Variants in CCSER1 observed in about 807,000 individuals in gnomAD.
CCSER1 encodes serine-rich coiled-coil domain-containing protein 1.
CCSER1 carries 41 observed loss-of-function variants against 82.0 expected under a neutral mutation model. The observed-to-expected ratio is 0.50, with a 90% CI of 0.39 to 0.65. The LOEUF (loss-of-function observed/expected upper bound fraction) is 0.65, where lower values mean the gene tolerates loss of function less well. Ranked by LOEUF, CCSER1 falls within the 30% of genes least tolerant of loss-of-function variation. The pLI, the probability that CCSER1 is intolerant of heterozygous loss-of-function variation, is 0.00. For synonymous variants in CCSER1, 414 were observed against 383.9 expected (o/e 1.08, Z -0.92); for missense variants, 1,119 against 1,064.2 (o/e 1.05, Z -0.72).
At chr4:90,479,951 C>T (rs1475251154) in intron 5 of CCSER1, among the ~76,000 whole-genome samples, 2 of 152,204 alleles carry the variant, frequency 1.3e-5, no homozygotes, top group African/African-American at 4.8e-5. Flanking sequence ...AGAATCGCCA[C>T]ACCAATTTCC....
At chr4:90,433,549 T>G (rs188244520) in intron 4 of CCSER1, among the ~76,000 whole-genome samples, 1 of 152,262 alleles carries the variant, frequency 6.6e-6, no homozygotes, top group East Asian at 1.9e-4. Flanking sequence ...GTCTTTAGCA[T>G]GATAATGACA....
chr4:90,283,350 G>A (rs1292541206), intron 1 of CCSER1, among the ~76,000 whole-genome samples: 2 of 151,708 alleles, frequency 1.3e-5, no homozygotes, highest in East Asian at 3.9e-4. Context: ...TATTATACAT[G>A]TTTTTAAATT....
At position 91,291,479 on chromosome 4, in the gene CCSER1, G is replaced by A. The variant is rs75315559; in HGVS notation, c.2217+205485G>A. On this transcript the variant is annotated intron_variant, in intron 10 of 10. Transcript: ENST00000509176. The stretch of plus-strand genomic sequence containing the variant: ...GTACAAACCGTACAGGAAGCATGAT[G>A]CTAGCATCTGCTGGGCTTCTGGGGA... Among the ~76,000 whole-genome samples the A allele has an allele frequency of 5.6e-4, 85 of 151,638 alleles. No individual in the cohort carries two copies. The East Asian group carries it at 9.7e-3, about 17-fold the overall frequency.
intron 10 of CCSER1, among the ~76,000 whole-genome samples, chr4:91,380,028 T>G (rs2149335952): frequency 6.6e-6 from 1 of 152,312 alleles, no homozygotes; most frequent in East Asian, 1.9e-4. Flanking sequence ...TAGGAGCAGG[T>G]TGTTCAGTTT....
At chr4:90,441,725 G>A (rs1759905812) in intron 4 of CCSER1, among the ~76,000 whole-genome samples, 1 of 152,148 alleles carries the variant, frequency 6.6e-6, no homozygotes, top group Admixed American at 6.5e-5. Flanking sequence ...GACAAACGTG[G>A]GAGGGTCCAC....
intron 1 of CCSER1, among the ~76,000 whole-genome samples, chr4:90,184,698 G>T (rs555009500): frequency 2.0e-5 from 3 of 152,174 alleles, no homozygotes; most frequent in African/African-American, 7.2e-5. Context: ...CCTGCAGATG[G>T]TGTGAAACAC....
intron 10 of CCSER1, among the ~76,000 whole-genome samples, chr4:91,401,279 CATAG>C (rs1260294163): frequency 1.3e-5 from 2 of 148,422 alleles, no homozygotes; most frequent in Non-Finnish European, 3.0e-5. Flanking sequence ...TACTATGCTA[CATAG>C]ATATACTATA....
rs1435545197 is a variant in CCSER1 at position 90,686,269 on chromosome 4, C to T, written c.1933-37645C>T. ...ATCATTTAATGACCTCTGCCATGAA[C>T]GGAATCAAAAGAATAGCCTGAAGTC... On this transcript the variant is annotated intron_variant, in intron 6 of 10. Transcript: ENST00000509176. 3.7e-4 allele frequency among the ~76,000 whole-genome samples: 56 copies of T among 152,008 alleles called. 1 individual carries two copies. The highest frequency in any genetic ancestry group is 3.6e-3 in the Admixed American group (55 of 15,240).
At chr4:91,008,524 G>A (rs907029957) in intron 9 of CCSER1, among the ~76,000 whole-genome samples, 1 of 151,988 alleles carries the variant, frequency 6.6e-6, no homozygotes, top group East Asian at 1.9e-4. Flanking sequence ...AGTCACCCGT[G>A]CTCTCTTTTG....
At chr4:90,878,650 C>G (rs1177951665) in intron 8 of CCSER1, among the ~76,000 whole-genome samples, 1 of 152,112 alleles carries the variant, frequency 6.6e-6, no homozygotes, top group African/African-American at 2.4e-5. Flanking sequence ...GATCTCAGCT[C>G]TGTGTCCCTG....
intron 8 of CCSER1, chr4:90,911,154 G>T (rs1000958061): frequency 2.6e-6 from 1 of 382,044 alleles, no homozygotes; most frequent in Non-Finnish European, 5.0e-6. Flanking sequence ...TCTGGGTAAT[G>T]ATTGCATAAG....
chr4:90,271,862 A>ATATATATATATATATAT (rs1553982816), intron 1 of CCSER1, among the ~76,000 whole-genome samples: 2 of 21,750 alleles, frequency 9.2e-5, no homozygotes, highest in African/African-American at 2.6e-4. Context: ...ATATATATAT[A>ATATATATATATATATAT]TTTTTTTTTT....
At chr4:90,487,626 A>T (rs1232741071) in intron 5 of CCSER1, among the ~76,000 whole-genome samples, 1 of 152,184 alleles carries the variant, frequency 6.6e-6, no homozygotes, top group African/African-American at 2.4e-5. Context: ...TGAAAGAATG[A>T]ATATTTAATC....
chr4:91,177,392 T>C (rs1210774202), intron 10 of CCSER1, among the ~76,000 whole-genome samples: 1 of 152,216 alleles, frequency 6.6e-6, no homozygotes, highest in Non-Finnish European at 1.5e-5. Flanking sequence ...TCAGAAGGAA[T>C]GGCACAAGCT....
chr4:91,437,403 G>T (rs904543159), intron 10 of CCSER1, among the ~76,000 whole-genome samples: 8 of 152,150 alleles, frequency 5.3e-5, no homozygotes, highest in African/African-American at 1.9e-4. Flanking sequence ...GCAATTTGCA[G>T]CTACGTAATT....
chr4:90,627,440 A>G (rs928069316), intron 5 of CCSER1, among the ~76,000 whole-genome samples: 5 of 151,988 alleles, frequency 3.3e-5, no homozygotes, highest in Admixed American at 6.6e-5. Context: ...AGAAAATAAT[A>G]TAATTCAGAA....
chr4:90,773,278 A>C (rs962223262), intron 7 of CCSER1, among the ~76,000 whole-genome samples: 5 of 152,198 alleles, frequency 3.3e-5, no homozygotes, highest in Non-Finnish European at 5.9e-5. Flanking sequence ...TTGTAATACT[A>C]CTGATTGCCC....
chr4:90,720,867 T>G (rs1742552868), intron 6 of CCSER1, among the ~76,000 whole-genome samples: 1 of 152,028 alleles, frequency 6.6e-6, no homozygotes, highest in Non-Finnish European at 1.5e-5. Context: ...TTCTGATTAT[T>G]AATAGTGCCT....
At chr4:91,426,502 G>A (rs1160900918) in intron 10 of CCSER1, among the ~76,000 whole-genome samples, 3 of 148,500 alleles carry the variant, frequency 2.0e-5, no homozygotes, top group African/African-American at 5.1e-5. Context: ...ACATGACCAC[G>A]ATTTAAAAAA....
Sources: gnomAD v4.1 joint callset for allele counts (sites outside exome capture counted in the v4.1 genomes callset) on GRCh38, gnomAD v4.1.1 for gene constraint, MANE v1.5 for transcripts, NCBI Gene and HGNC (gene_info 2026-07-23, HGNC 2026-07-21) for gene names.